Variants in MCMBP observed in about 807,000 individuals in gnomAD.
MCMBP encodes mini-chromosome maintenance complex-binding protein.
Under a neutral mutation model 81.3 loss-of-function variants are expected in MCMBP, and 31 were observed. The observed-to-expected ratio is 0.38, with a 90% confidence interval of 0.29 to 0.51. MCMBP has a LOEUF of 0.51. Among genes scored for constraint, MCMBP ranks in the 20% least tolerant of loss-of-function variants. The probability of loss-of-function intolerance (pLI) is 0.87; values close to 1 mark genes in which losing one functional copy is unlikely to be tolerated. For synonymous variants in MCMBP, 267 were observed against 275.9 expected (o/e 0.97, Z 0.32); for missense variants, 645 against 772.1 (o/e 0.84, Z 1.95).
chr10:119,843,490 T>G, intron 8 of MCMBP, 64 bp from the exon 9 acceptor site: 1 of 1,515,226 alleles, frequency 6.6e-7, no homozygotes, highest in East Asian at 2.3e-5. Flanking sequence ...AAAAATAATG[T>G]GCATCTTGGA....
At position 119,846,913 on chromosome 10, in the gene MCMBP, G is replaced by GA. The variant is rs879520650; in HGVS notation, c.827+699dup. On this transcript the variant is annotated intron_variant, in intron 8 of 15. Transcript: ENST00000369077. ...AAGACATATATTTCTGTTGTTTAAG[G>GA]AAAAAAAAAAAGTGGCAAGACCATG... Among the ~76,000 whole-genome samples, 291 of 143,858 alleles carry GA rather than the reference G, an allele frequency of 2.0e-3. 1 individual carries two copies. Among genetic ancestry groups the GA allele is most frequent in the African/African-American group, 5.8e-3 (227 of 39,434 alleles). The allele number at this position is 143,858 out of a possible 152,430, so 94.4% of individuals were successfully genotyped here. A position where few individuals can be genotyped will look rare whatever the true frequency, so the allele number is the denominator to read the frequency against.
intron 14 of MCMBP, among the ~76,000 whole-genome samples, chr10:119,833,338 T>C (rs920536614): frequency 6.6e-6 from 1 of 152,022 alleles, no homozygotes; most frequent in Non-Finnish European, 1.5e-5. Context: ...TGCCATATTA[T>C]ATAATTTAAA....
chr10:119,845,687 T>C lies in MCMBP; in HGVS notation c.827+1926A>G, dbSNP rs572600295. Among the ~76,000 whole-genome samples, 9 of 152,282 alleles carry C rather than the reference T, an allele frequency of 5.9e-5. No individual in the cohort carries two copies. In the South Asian group the frequency reaches 1.0e-3, roughly 18 times the overall value. On this transcript the variant is annotated intron_variant, in intron 8 of 15. Transcript: ENST00000369077. The stretch of plus-strand genomic sequence containing the variant: ...AAAAGTTACCTGAGTAAGTGGAACA[T>C]AGCTCTGACTACACAGCTGCATTCT...
chr10:119,837,778 G>A (rs903106429), intron 12 of MCMBP, among the ~76,000 whole-genome samples: 5 of 151,756 alleles, frequency 3.3e-5, no homozygotes, highest in African/African-American at 9.7e-5. Flanking sequence ...GCAAGACTCC[G>A]TCTCAAAACA....
intron 6 of MCMBP, 136 bp from the exon 7 acceptor site, chr10:119,849,712 A>G: frequency 2.9e-6 from 2 of 690,576 alleles, no homozygotes; most frequent in Non-Finnish European, 4.6e-6. Flanking sequence ...ACAGTTTTTA[A>G]GGAAACAGCA....
Position 119,859,874 on chromosome 10 carries a change from T to G in MCMBP, c.69A>C (p.Gly23=). 6.2e-7 allele frequency: 1 copy of G among 1,611,248 alleles called. No homozygotes were observed. Among genetic ancestry groups the G allele is most frequent in the South Asian group, 1.1e-5 (1 of 90,920 alleles). The change falls in exon 2 of 16, where the codon GGA becomes GGC. Residue 23 remains glycine (G), a synonymous_variant. Transcript: ENST00000369077. ...CTTTCTTCTCCCAGTCAGGATTAACTCCATTTTGGGCTGAAAGAGAAATAT... is the reference window on the plus strand; with the variant it reads ...CTTTCTTCTCCCAGTCAGGATTAACGCCATTTTGGGCTGAAAGAGAAATAT... The part of the protein sequence containing the change: ...GIVQGFFAQN[G]VNPDWEKKVI...
intron 5 of MCMBP, 73 bp downstream of exon 5, chr10:119,857,265 G>T: frequency 3.6e-6 from 4 of 1,096,250 alleles, no homozygotes; most frequent in Non-Finnish European, 4.0e-6. Context: ...GCCAAGCTTT[G>T]CAAAGGAAGA....
At chr10:119,863,369 T>C (rs1165708635) in intron 1 of MCMBP, among the ~76,000 whole-genome samples, 2 of 152,208 alleles carry the variant, frequency 1.3e-5, no homozygotes, top group East Asian at 1.9e-4. Flanking sequence ...ATGTAAATGT[T>C]AAATTGTTCA....
Position 119,836,896 on chromosome 10 carries a change from C to T in MCMBP, c.1542G>A (p.Pro514=), listed in dbSNP as rs770425318. ...TCCATTTAAAAATGACTCATCATAC[C>T]GGGAGGAGTGACCTCCCCTCCGAAG... ...FITSEGRSLL[P]ADCQIHLQPQ... The change falls in exon 13 of 16, where the codon CCG becomes CCA. Residue 514 remains proline, a splice_region_variant and synonymous_variant. Transcript: ENST00000369077. 1.3e-5 allele frequency: 21 copies of T among 1,605,118 alleles called. No individual in the cohort carries two copies. Among genetic ancestry groups the T allele is most frequent in the South Asian group, 5.6e-5 (5 of 89,728 alleles).
intron 5 of MCMBP, among the ~76,000 whole-genome samples, chr10:119,854,043 TTC>T (rs1258312903): frequency 6.7e-6 from 1 of 148,420 alleles, no homozygotes. Flanking sequence ...TTTTTTCCTT[TTC>T]TTTTTTTTTT....
Position 119,831,426 on chromosome 10 carries a change from A to AATT in MCMBP, c.*45_*47dup. 3.1e-6 allele frequency: 5 copies of AATT among 1,602,864 alleles called. No individual in the cohort carries two copies. The highest frequency in any genetic ancestry group is 4.3e-6 in the Non-Finnish European group (5 of 1,173,528). On this transcript the variant is annotated 3_prime_UTR_variant, in exon 16 of 16. Coordinates refer to ENST00000369077, the MANE Select transcript of MCMBP (RefSeq NM_001256378.2). ...GTATAAATGAATATCTGAATTTTAC[A>AATT]ATTATGTGGCTACAGTTTGCCCATT...
Position 119,837,130 on chromosome 10 carries a change from T to C in MCMBP, c.1409-101A>G, listed in dbSNP as rs1050326547. The C allele has an allele frequency of 5.1e-5, 63 of 1,229,344 alleles. No individual in the cohort carries two copies. In the African/African-American group the frequency reaches 9.3e-4, roughly 18 times the overall value. The allele number at this position is 1,229,344 out of a possible 1,614,324, so 76.2% of individuals were successfully genotyped here. A position where few individuals can be genotyped will look rare whatever the true frequency, so the allele number is the denominator to read the frequency against. ...TGAGCCATGAAGTTTCTACCACTTT[T>C]AATAAAGGGTATGAGGCGCTGTCCA... is the stretch of plus-strand genomic sequence containing the variant. On this transcript the variant is annotated intron_variant, in intron 12 of 15. Coordinates refer to ENST00000369077, the MANE Select transcript of MCMBP (RefSeq NM_001256378.2).
At chr10:119,863,516 G>A (rs1853334787) in intron 1 of MCMBP, among the ~76,000 whole-genome samples, 1 of 151,988 alleles carries the variant, frequency 6.6e-6, no homozygotes, top group South Asian at 2.1e-4. Context: ...CGGATCACCT[G>A]TCAGGAGTTC....
intron 1 of MCMBP, among the ~76,000 whole-genome samples, chr10:119,865,221 G>T (rs1203481221): frequency 6.6e-6 from 1 of 152,138 alleles, no homozygotes; most frequent in Admixed American, 6.6e-5. Flanking sequence ...TGCATATATA[G>T]TTAGGTCTTC....
rs995960141 is a variant in MCMBP at position 119,830,730 on chromosome 10, T to C, written c.*744A>G. On this transcript the variant is annotated 3_prime_UTR_variant, in exon 16 of 16. Transcript: ENST00000369077. Reference sequence around the variant, plus strand: ...AGGACTCCTCTTATTCAGAGATAGATTGTCCTTTCCTTTTATGAAAAAAAT... The same window carrying C: ...AGGACTCCTCTTATTCAGAGATAGACTGTCCTTTCCTTTTATGAAAAAAAT... 1 of 149,956 alleles carries C rather than the reference T, an allele frequency of 6.7e-6. No homozygotes were observed. The highest frequency in any genetic ancestry group is 2.5e-5 in the African/African-American group (1 of 40,494). 9.3% of individuals were successfully genotyped at this position (149,956 alleles called of 1,614,324 possible). A position where few individuals can be genotyped will look rare whatever the true frequency, so the allele number is the denominator to read the frequency against.
Position 119,872,646 on chromosome 10 carries a change from G to A in MCMBP, c.-62C>T, listed in dbSNP as rs1348827817. 1 of 980,076 alleles carries A rather than the reference G, an allele frequency of 1.0e-6. No individual in the cohort carries two copies. The highest frequency in any genetic ancestry group is 1.7e-5 in the African/African-American group (1 of 57,572). The allele number at this position is 980,076 out of a possible 1,614,324, so 60.7% of individuals were successfully genotyped here. A position where few individuals can be genotyped will look rare whatever the true frequency, so the allele number is the denominator to read the frequency against. Reference sequence around the variant, plus strand: ...GGCGATCCGCGGGCCGAGCGCGGCCGGGCGGCCGGCGCCCAGCTCCTCTTC... The same window carrying A: ...GGCGATCCGCGGGCCGAGCGCGGCCAGGCGGCCGGCGCCCAGCTCCTCTTC... On this transcript the variant is annotated 5_prime_UTR_variant, in exon 1 of 16. Transcript: ENST00000369077.
intron 1 of MCMBP, among the ~76,000 whole-genome samples, chr10:119,870,010 A>T (rs1853612243): frequency 6.6e-6 from 1 of 152,222 alleles, no homozygotes; most frequent in South Asian, 2.1e-4. Flanking sequence ...AATTTTGTGT[A>T]ATTTTAATTA....
At chr10:119,850,141 C>T (rs1300340560) in intron 6 of MCMBP, among the ~76,000 whole-genome samples, 1 of 152,126 alleles carries the variant, frequency 6.6e-6, no homozygotes, top group Non-Finnish European at 1.5e-5. Flanking sequence ...CCTGCCATAC[C>T]ACGAAACACC....
chr10:119,861,383 A>G (rs1853248964), intron 1 of MCMBP, among the ~76,000 whole-genome samples: 1 of 152,158 alleles, frequency 6.6e-6, no homozygotes, highest in African/African-American at 2.4e-5. Flanking sequence ...CTTGTTAGAA[A>G]TGCAAATTAT....
Sources: allele counts gnomAD v4.1 joint callset (sites outside exome capture counted in the v4.1 genomes callset), GRCh38; gene constraint gnomAD v4.1.1; transcripts MANE v1.5; gene names NCBI Gene and HGNC (gene_info 2026-07-23, HGNC 2026-07-21).